The following CEACAM16 variants were observed in gnomAD, a reference collection of about 807,000 sequenced individuals.
CEACAM16 encodes CEA cell adhesion molecule 16, tectorial membrane component.
Under a neutral mutation model 39.4 loss-of-function variants are expected in CEACAM16, and 30 were observed. The ratio of observed to expected loss-of-function variants is 0.76; its 90% confidence interval spans 0.57 to 1.03. CEACAM16 has a LOEUF of 1.03. Ranked by LOEUF, CEACAM16 falls within the 50% of genes least tolerant of loss-of-function variation. The pLI is 0.00. For synonymous variants in CEACAM16, 262 were observed against 264.9 expected (o/e 0.99, Z 0.11); for missense variants, 521 against 585.3 (o/e 0.89, Z 1.13).
chr19:44,700,058 T>C (rs549879673), intron 1 of CEACAM16, among the ~76,000 whole-genome samples: 18 of 152,300 alleles, frequency 1.2e-4, no homozygotes, highest in African/African-American at 4.3e-4. Flanking sequence ...CAGGCTGGAG[T>C]GCAGTGGTGT....
In CEACAM16 at chr19:44,707,877, G is replaced by A. The variant is rs556870058; in HGVS notation, c.957G>A (p.Thr319=). 29 of 1,548,782 alleles carry A rather than the reference G, an allele frequency of 1.9e-5. No individual in the cohort carries two copies. The highest frequency in any genetic ancestry group is 1.4e-4 in the East Asian group (6 of 43,476). ...TCTCCCCAGCTGCAGCAGTTGCCAC[G>A]ATGATCGTGCCCGTGCCCACCAAGC... is the stretch of plus-strand genomic sequence containing the variant. ...VVKLSAAAVA[T]MIVPVPTKPT... is the part of the protein sequence containing the mutation. Residue 319 remains threonine (T), a synonymous_variant, in exon 6 of 7, where the codon ACG becomes ACA. Coordinates refer to ENST00000587331, the MANE Select transcript of CEACAM16 (RefSeq NM_001039213.4).
Position 44,710,542 on chromosome 19 carries a change from C to T in CEACAM16, c.*36C>T. 6.2e-7 allele frequency: 1 copy of T among 1,613,592 alleles called. No individual in the cohort carries two copies. On this transcript the variant is annotated 3_prime_UTR_variant, in exon 7 of 7. Coordinates refer to ENST00000587331, the MANE Select transcript of CEACAM16 (RefSeq NM_001039213.4). ...CTGGAGACGTCCAGAGAGAAGAGCT[C>T]TTCGCACCATCCTCTGGTCCTCGCC...
rs755891588 is a variant in CEACAM16 at position 44,704,255 on chromosome 19, T to A, written c.620T>A (p.Val207Asp). The A allele has an allele frequency of 6.5e-6, 10 of 1,539,118 alleles. No individual in the cohort carries two copies. In the South Asian group the frequency reaches 1.1e-4, roughly 17 times the overall value. The change falls in exon 4 of 7, where the codon GTC (valine) becomes GAC (aspartate). Residue 207 changes from valine (V) to aspartate (D), a missense_variant. Coordinates refer to ENST00000587331, the MANE Select transcript of CEACAM16 (RefSeq NM_001039213.4). ...TATCAGTGTGAGGTGTGGAACCCGG[T>A]CAGTGTCAGCCGCAGCGAGCCCATC... is the stretch of plus-strand genomic sequence containing the variant. Reference protein sequence around the residue: ...GAYQCEVWNPVSVSRSEPINL... With the variant: ...GAYQCEVWNPDSVSRSEPINL...
Position 44,703,632 on chromosome 19 carries a change from C to T in CEACAM16, c.321C>T (p.Ile107=), listed in dbSNP as rs1974389125. The T allele has an allele frequency of 6.2e-7, 1 of 1,603,376 alleles. No individual in the cohort carries two copies. Among genetic ancestry groups the T allele is most frequent in the South Asian group, 1.1e-5 (1 of 90,108 alleles). Residue 107 remains isoleucine, a synonymous_variant, in exon 3 of 7, where the codon ATC becomes ATT. Coordinates refer to ENST00000587331, the MANE Select transcript of CEACAM16 (RefSeq NM_001039213.4). ...TGCCCCGGCACTCAGGCACCTACATCCTGCAGACCTTCAACAGGCAGTTGC... is the reference window on the plus strand; with the variant it reads ...TGCCCCGGCACTCAGGCACCTACATTCTGCAGACCTTCAACAGGCAGTTGC... ...GILPRHSGTY[I]LQTFNRQLQT... is the part of the protein sequence containing the mutation.
chr19:44,706,166 T>G (rs1974444232), intron 5 of CEACAM16, among the ~76,000 whole-genome samples: 1 of 151,932 alleles, frequency 6.6e-6, no homozygotes, highest in Admixed American at 6.6e-5. Flanking sequence ...TCACCAGCTG[T>G]TTAGGGCCTT....
At chr19:44,702,980 T>C (rs1043606178) in intron 2 of CEACAM16, among the ~76,000 whole-genome samples, 1 of 152,252 alleles carries the variant, frequency 6.6e-6, no homozygotes, top group African/African-American at 2.4e-5. Flanking sequence ...TCCCTGGGAC[T>C]GAGCTCCTGC....
chr19:44,703,408 G>C lies in CEACAM16; in HGVS notation c.97G>C (p.Glu33Gln). The change falls in exon 3 of 7, where the codon GAA becomes CAA. Residue 33 changes from glutamate to glutamine, a missense_variant. Coordinates refer to ENST00000587331, the MANE Select transcript of CEACAM16 (RefSeq NM_001039213.4). ...SITLEPAQPS[E>Q]GDNVTLVVHG... ...CACCCTGGAGCCTGCCCAGCCGAGC[G>C]AAGGGGACAACGTCACGCTGGTCGT... 6.2e-7 allele frequency: 1 copy of C among 1,613,770 alleles called. No homozygotes were observed. The highest frequency in any genetic ancestry group is 8.5e-7 in the Non-Finnish European group (1 of 1,179,892).
At chr19:44,700,980 G>T (rs577442941) in intron 1 of CEACAM16, among the ~76,000 whole-genome samples, 1 of 152,174 alleles carries the variant, frequency 6.6e-6, no homozygotes. Context: ...TTTGCCATCC[G>T]CTGAGACAAC....
Position 44,701,596 on chromosome 19 carries a change from C to A in CEACAM16, c.37+103C>A. The A allele has an allele frequency of 8.6e-7, 1 of 1,164,190 alleles. No individual in the cohort carries two copies. Among genetic ancestry groups the A allele is most frequent in the Non-Finnish European group, 1.2e-6 (1 of 806,364 alleles). 72.1% of individuals were successfully genotyped at this position (1,164,190 alleles called of 1,614,324 possible). A position where few individuals can be genotyped will look rare whatever the true frequency, so the allele number is the denominator to read the frequency against. ...AGGGAAGGTGTGAGCAGAAGTCCAG[C>A]GTGCTAGGGAGGGAGGGCAGCCCTG... On this transcript the variant is annotated intron_variant, in intron 2 of 6. Coordinates refer to ENST00000587331, the MANE Select transcript of CEACAM16 (RefSeq NM_001039213.4). This position sits in a 1 kb window ranked among gnomAD's most constrained non-coding sequence, Gnocchi z 4.0.
Position 44,701,513 on chromosome 19 carries a change from C to T in CEACAM16, c.37+20C>T, listed in dbSNP as rs1170902017. ...TCAGTGGTGAGCGAGAATGGCACCC[C>T]CCAGCACCTCAGCCCCCCGAGGACC... On this transcript the variant is annotated intron_variant, in intron 2 of 6. Transcript: ENST00000587331. This position sits in a 1 kb window ranked among gnomAD's most constrained non-coding sequence, Gnocchi z 4.0. The T allele has an allele frequency of 1.9e-6, 3 of 1,558,904 alleles. No homozygotes were observed. Among genetic ancestry groups the T allele is most frequent in the Non-Finnish European group, 2.6e-6 (3 of 1,151,130 alleles).
At chr19:44,705,015 C>G (rs1396642178) in intron 4 of CEACAM16, among the ~76,000 whole-genome samples, 4 of 152,138 alleles carry the variant, frequency 2.6e-5, no homozygotes, top group Non-Finnish European at 5.9e-5. Context: ...GAAAATAAAT[C>G]ACCAAGGTAC....
intron 6 of CEACAM16, 122 bp downstream of exon 6, chr19:44,708,309 G>C (rs1599814964): frequency 9.5e-7 from 1 of 1,051,558 alleles, no homozygotes; most frequent in East Asian, 2.7e-5. Flanking sequence ...TCCCCCATCA[G>C]GCTGAAGGAA....
chr19:44,706,297 C>CAA (rs1555772261), intron 5 of CEACAM16, among the ~76,000 whole-genome samples: 1 of 125,082 alleles, frequency 8.0e-6, no homozygotes, highest in Non-Finnish European at 1.7e-5. Flanking sequence ...CACACACACA[C>CAA]ACACACACAC....
chr19:44,701,590 G>T lies in CEACAM16; in HGVS notation c.37+97G>T, dbSNP rs982611416. The T allele has an allele frequency of 3.3e-6, 4 of 1,225,464 alleles. No individual in the cohort carries two copies. Among genetic ancestry groups the T allele is most frequent in the Non-Finnish European group, 3.5e-6 (3 of 861,128 alleles). The allele number at this position is 1,225,464 out of a possible 1,614,324, so 75.9% of individuals were successfully genotyped here. A position where few individuals can be genotyped will look rare whatever the true frequency, so the allele number is the denominator to read the frequency against. ...TGAGAGAGGGAAGGTGTGAGCAGAA[G>T]TCCAGCGTGCTAGGGAGGGAGGGCA... On this transcript the variant is annotated intron_variant, in intron 2 of 6. Transcript: ENST00000587331. The surrounding 1 kb of genome is among the most constrained non-coding windows in gnomAD (Gnocchi z 4.0).
chr19:44,703,262 A>T (rs2965167), intron 2 of CEACAM16, 87 bp from the exon 3 acceptor site: 20 of 1,235,988 alleles, frequency 1.6e-5, no homozygotes, highest in Non-Finnish European at 2.1e-5. Flanking sequence ...GGCTGGGGAC[A>T]TGCCCCGAGC....
At chr19:44,702,773 G>A (rs1037098063) in intron 2 of CEACAM16, among the ~76,000 whole-genome samples, 4 of 152,266 alleles carry the variant, frequency 2.6e-5, no homozygotes, top group Non-Finnish European at 4.4e-5. Context: ...GGCTGGATAC[G>A]CAGCCGGATC....
chr19:44,706,008 T>C (rs938535026), intron 5 of CEACAM16, 140 bp downstream of exon 5: 2 of 1,041,270 alleles, frequency 1.9e-6, no homozygotes, highest in African/African-American at 3.2e-5. Flanking sequence ...CAAAGTGGCA[T>C]ATCAGGCAGA....
In CEACAM16 at chr19:44,705,582, C is replaced by T. The variant is rs1172837584; in HGVS notation, c.662-8C>T. 2 of 1,588,214 alleles carry T rather than the reference C, an allele frequency of 1.3e-6. No individual in the cohort carries two copies. The highest frequency in any genetic ancestry group is 1.7e-6 in the Non-Finnish European group (2 of 1,162,198). ...ACTGCCCCATCTATCTCCCTCCTGC[C>T]CCCACAGTTGGCCCAGAGCGTGTGG... On this transcript the variant is annotated splice_polypyrimidine_tract_variant and splice_region_variant and intron_variant, in intron 4 of 6. Transcript: ENST00000587331.
intron 6 of CEACAM16, among the ~76,000 whole-genome samples, chr19:44,708,978 C>T (rs1221913837): frequency 6.6e-6 from 1 of 151,630 alleles, no homozygotes; most frequent in African/African-American, 2.4e-5. Context: ...GGAACCGTGT[C>T]TCCCCATCAA....
Sources: gnomAD v4.1 joint callset for allele counts (sites outside exome capture counted in the v4.1 genomes callset) on GRCh38, gnomAD v4.1.1 for gene constraint, Gnocchi (gnomAD v3.1) non-coding constraint, MANE v1.5 for transcripts, NCBI Gene and HGNC (gene_info 2026-07-23, HGNC 2026-07-21) for gene names.